Variants in ZRANB3 observed in about 807,000 individuals in gnomAD.
ZRANB3 encodes zinc finger RANBP2-type containing 3, also known as DNA annealing helicase and endonuclease ZRANB3.
ZRANB3 carries 125 observed loss-of-function variants against 133.8 expected under a neutral mutation model. The observed-to-expected ratio is 0.93, with a 90% confidence interval of 0.81 to 1.08. The LOEUF (loss-of-function observed/expected upper bound fraction) is 1.08. ZRANB3 is among the 50% of genes least tolerant of loss of function. ZRANB3 has a pLI of 0.00. For missense variants in ZRANB3, 1,229 were observed against 1,275.5 expected, an observed-to-expected ratio of 0.96 and a Z score of 0.56; for synonymous variants, 387 against 432.7, an observed-to-expected ratio of 0.89 and a Z score of 1.31.
chr2:135,265,680 C>T lies in ZRANB3; in HGVS notation c.1393G>A (p.Val465Ile). The part of the protein sequence containing the change: ...MWGMLNRKAQ[V>I]TGSTLNGRKE... ...CTACCGTTCAGTGTGCTCCCTGTAA[C>T]TTGAGCCTACAAGAGGAAAAAGTAA... The change falls in exon 12 of 21, where the codon GTT (valine) becomes ATT (isoleucine). Residue 465 changes from valine (V) to isoleucine (I), a missense_variant. Val to Ile is a conservative substitution (Grantham distance 29). Transcript: ENST00000264159. 5 of 1,612,294 alleles carry T rather than the reference C, an allele frequency of 3.1e-6. No individual in the cohort carries two copies. The highest frequency in any genetic ancestry group is 4.2e-6 in the Non-Finnish European group (5 of 1,179,278).
chr2:135,405,908 G>C (rs1298157273), intron 2 of ZRANB3, among the ~76,000 whole-genome samples: 1 of 152,188 alleles, frequency 6.6e-6, no homozygotes, highest in Non-Finnish European at 1.5e-5. Flanking sequence ...ACAATTAAAA[G>C]AAGTAGAGAA....
chr2:135,256,392 A>C (rs933964539), intron 12 of ZRANB3, among the ~76,000 whole-genome samples: 2 of 152,100 alleles, frequency 1.3e-5, no homozygotes, highest in African/African-American at 4.8e-5. Flanking sequence ...GCAGTGGTAC[A>C]ATCTCAGCTC....
In ZRANB3 at chr2:135,451,183, C is replaced by T. The variant is rs147084454; in HGVS notation, c.161+53146G>A. On this transcript the variant is annotated intron_variant, in intron 2 of 20. Coordinates refer to ENST00000264159, the MANE Select transcript of ZRANB3 (RefSeq NM_032143.4). ...CCGTTTCTAAGTAAACTAGCTATGT[C>T]CTAGAATAAAGCTCAACAATATTCC... 1.5e-3 allele frequency among the ~76,000 whole-genome samples: 228 copies of T among 152,214 alleles called. 6 individuals are homozygous for T. The South Asian group carries it at 0.023, about 15-fold the overall frequency.
At chr2:135,326,140 A>C (rs1258984282) in intron 6 of ZRANB3, among the ~76,000 whole-genome samples, 1 of 152,228 alleles carries the variant, frequency 6.6e-6, no homozygotes, top group East Asian at 1.9e-4. Context: ...AAAAACAGTA[A>C]AATTATGTAT....
intron 2 of ZRANB3, among the ~76,000 whole-genome samples, chr2:135,504,051 T>A (rs535310887): frequency 6.6e-6 from 1 of 152,266 alleles, no homozygotes; most frequent in South Asian, 2.1e-4. Flanking sequence ...AAGCAATACA[T>A]TCTAGAAAAC....
chr2:135,310,512 A>G (rs1682920989), intron 8 of ZRANB3, among the ~76,000 whole-genome samples: 2 of 152,290 alleles, frequency 1.3e-5, no homozygotes, highest in African/African-American at 2.4e-5. Context: ...TAAAAGAATT[A>G]TATGCTACAA....
chr2:135,486,085 T>C (rs927410791), intron 2 of ZRANB3, among the ~76,000 whole-genome samples: 1 of 152,158 alleles, frequency 6.6e-6, no homozygotes, highest in Admixed American at 6.6e-5. Flanking sequence ...ATCAAGGTGG[T>C]GGTTGCTGAA....
At chr2:135,387,122 C>T (rs1402301050) in intron 3 of ZRANB3, among the ~76,000 whole-genome samples, 1 of 151,774 alleles carries the variant, frequency 6.6e-6, no homozygotes, top group Non-Finnish European at 1.5e-5. Context: ...AGCTAAAGTA[C>T]ACAATACTCC....
At chr2:135,244,636 T>TAAAC (rs1287372734) in intron 12 of ZRANB3, among the ~76,000 whole-genome samples, 84 of 151,542 alleles carry the variant, frequency 5.5e-4, no homozygotes, top group Middle Eastern at 3.4e-3. Flanking sequence ...AATAAATAAA[T>TAAAC]AAACAAACAA....
chr2:135,231,089 A>G lies in ZRANB3; in HGVS notation c.1540-162T>C. On this transcript the variant is annotated intron_variant, in intron 12 of 20. Transcript: ENST00000264159. ...GCTCTGACTCTTCATATATACATATATAAATATATATATGTAAAACATATC... is the reference window on the plus strand; with the variant it reads ...GCTCTGACTCTTCATATATACATATGTAAATATATATATGTAAAACATATC... 6.4e-6 allele frequency: 3 copies of G among 468,152 alleles called. 1 individual carries two copies. In the South Asian group the frequency reaches 2.1e-4, roughly 33 times the overall value. The allele number at this position is 468,152 out of a possible 1,614,324, so 29.0% of individuals were successfully genotyped here.
chr2:135,217,442 A>G (rs892961224), intron 17 of ZRANB3, 23 bp downstream of exon 17: 17 of 1,575,648 alleles, frequency 1.1e-5, no homozygotes, highest in Non-Finnish European at 1.5e-5. Flanking sequence ...ATAATACAAA[A>G]TTTAAAAAAA....
At chr2:135,485,600 T>C (rs1428373769) in intron 2 of ZRANB3, among the ~76,000 whole-genome samples, 1 of 152,180 alleles carries the variant, frequency 6.6e-6, no homozygotes, top group South Asian at 2.1e-4. Flanking sequence ...ATCTTTATAG[T>C]TGGTCACAAT....
At chr2:135,302,206 G>T (rs948121335) in intron 8 of ZRANB3, among the ~76,000 whole-genome samples, 1 of 152,030 alleles carries the variant, frequency 6.6e-6, no homozygotes, top group Non-Finnish European at 1.5e-5. Flanking sequence ...TAATATTTCT[G>T]GGGAAAATGT....
chr2:135,402,816 C>G (rs1009653890), intron 2 of ZRANB3, among the ~76,000 whole-genome samples: 1 of 152,212 alleles, frequency 6.6e-6, no homozygotes, highest in Admixed American at 6.5e-5. Flanking sequence ...GAACTCCTGA[C>G]CTCAGGTGAT....
intron 2 of ZRANB3, among the ~76,000 whole-genome samples, chr2:135,429,920 T>C (rs543309063): frequency 6.6e-6 from 1 of 152,316 alleles, no homozygotes; most frequent in Admixed American, 6.5e-5. Flanking sequence ...TGGTGTCTTA[T>C]GTCTATAATC....
At chr2:135,326,897 TC>T (rs1683859925) in intron 6 of ZRANB3, among the ~76,000 whole-genome samples, 1 of 58,710 alleles carries the variant, frequency 1.7e-5, no homozygotes. Context: ...AGACTCCATC[TC>T]AAAAAAAAAA....
chr2:135,455,162 C>T (rs1434837082), intron 2 of ZRANB3, among the ~76,000 whole-genome samples: 1 of 125,726 alleles, frequency 8.0e-6, no homozygotes, highest in African/African-American at 2.9e-5. Context: ...ATCACAATGC[C>T]TTCTTATACT....
intron 2 of ZRANB3, among the ~76,000 whole-genome samples, chr2:135,428,857 T>C (rs980167557): frequency 6.6e-6 from 1 of 152,120 alleles, no homozygotes. Context: ...CCATCCGGAA[T>C]GGCTATTACT....
intron 11 of ZRANB3, among the ~76,000 whole-genome samples, chr2:135,267,808 A>G (rs998691833): frequency 6.6e-6 from 1 of 152,160 alleles, no homozygotes; most frequent in Non-Finnish European, 1.5e-5. Context: ...GAATGTTTGT[A>G]TCCCCCCCAA....
Sources: gnomAD v4.1 joint callset for allele counts (sites outside exome capture counted in the v4.1 genomes callset) on GRCh38, gnomAD v4.1.1 for gene constraint, MANE v1.5 for transcripts, NCBI Gene and HGNC (gene_info 2026-07-23, HGNC 2026-07-21) for gene names.